Variants in AK4 observed in about 807,000 individuals in gnomAD.
The protein encoded by AK4 is adenylate kinase 4, also known as adenylate kinase 4, mitochondrial.
AK4 carries 13 observed loss-of-function variants against 24.6 expected under a neutral mutation model. That is an observed-to-expected ratio of 0.53 (90% CI 0.34 to 0.84). The LOEUF (loss-of-function observed/expected upper bound fraction) is 0.84. Among genes scored for constraint, AK4 ranks in the 40% least tolerant of loss-of-function variants. The pLI is 0.01. For missense variants in AK4, 192 were observed against 288.2 expected (o/e 0.67, Z 2.42); for synonymous variants, 88 against 107.0 (o/e 0.82, Z 1.10).
intron 1 of AK4, among the ~76,000 whole-genome samples, chr1:65,185,345 G>C (rs1359154494): frequency 1.3e-5 from 2 of 152,094 alleles, no homozygotes; most frequent in Non-Finnish European, 2.9e-5. Flanking sequence ...AGCTGGTCTT[G>C]GCTCTAGGAA....
intron 1 of AK4, among the ~76,000 whole-genome samples, chr1:65,150,649 C>T (rs1274864404): frequency 6.6e-6 from 1 of 152,124 alleles, no homozygotes; most frequent in Non-Finnish European, 1.5e-5. Context: ...CTGCTGTTTG[C>T]TTTTAGCTGA....
At chr1:65,204,200 T>C (rs1651746889) in intron 2 of AK4, among the ~76,000 whole-genome samples, 1 of 150,064 alleles carries the variant, frequency 6.7e-6, no homozygotes, top group Non-Finnish European at 1.5e-5. Context: ...TTAATCTTAC[T>C]GAATTTTTTT....
chr1:65,215,153 T>C lies in AK4; in HGVS notation c.266-3601T>C, dbSNP rs968453718. On this transcript the variant is annotated intron_variant, in intron 2 of 4. Transcript: ENST00000327299. Reference sequence around the variant, plus strand: ...CCATCATCATTGATTTTTTTTCTTTTCTTTTCTTTTCTTTCTTTCTTTCTT... The same window carrying C: ...CCATCATCATTGATTTTTTTTCTTTCCTTTTCTTTTCTTTCTTTCTTTCTT... Among the ~76,000 whole-genome samples, 4 of 149,482 alleles carry C rather than the reference T, an allele frequency of 2.7e-5. No homozygotes were observed. The East Asian group carries it at 6.1e-4, about 23-fold the overall frequency.
intron 2 of AK4, among the ~76,000 whole-genome samples, chr1:65,196,263 C>CAGG (rs1388410251): frequency 6.6e-6 from 1 of 152,034 alleles, no homozygotes; most frequent in Non-Finnish European, 1.5e-5. Flanking sequence ...CATCTTGGTC[C>CAGG]ATATGGCTGT....
intron 2 of AK4, among the ~76,000 whole-genome samples, chr1:65,200,616 G>C (rs894356509): frequency 2.0e-5 from 3 of 152,130 alleles, no homozygotes; most frequent in Non-Finnish European, 4.4e-5. Flanking sequence ...TGAAGCTATT[G>C]CAACTCCTTT....
At chr1:65,174,952 A>G (rs1650662464) in intron 1 of AK4, among the ~76,000 whole-genome samples, 1 of 152,112 alleles carries the variant, frequency 6.6e-6, no homozygotes, top group Non-Finnish European at 1.5e-5. Context: ...ATTTTTATGG[A>G]TATCTATTTT....
chr1:65,217,985 T>C (rs1652182209), intron 2 of AK4, among the ~76,000 whole-genome samples: 3 of 152,192 alleles, frequency 2.0e-5, no homozygotes, highest in Admixed American at 2.0e-4. Flanking sequence ...GTTTAATAAT[T>C]AACATATCCA....
chr1:65,206,600 CACAA>C (rs1354576353), intron 2 of AK4, among the ~76,000 whole-genome samples: 9 of 152,212 alleles, frequency 5.9e-5, no homozygotes, highest in African/African-American at 2.4e-5. Flanking sequence ...TGCGCACACA[CACAA>C]ACACACACAC....
intron 1 of AK4, among the ~76,000 whole-genome samples, chr1:65,184,100 A>C (rs558621516): frequency 6.6e-6 from 1 of 152,320 alleles, no homozygotes; most frequent in South Asian, 2.1e-4. Context: ...CTAGTTAGAA[A>C]TTGAAAATAT....
intron 2 of AK4, among the ~76,000 whole-genome samples, chr1:65,197,675 C>G (rs1326178267): frequency 6.6e-6 from 1 of 152,092 alleles, no homozygotes; most frequent in Non-Finnish European, 1.5e-5. Context: ...TACGCACTCA[C>G]TTAGAGCCCT....
At chr1:65,149,071 C>G (rs572622778) in intron 1 of AK4, 2 of 152,480 alleles carry the variant, frequency 1.3e-5, no homozygotes, top group East Asian at 3.9e-4. Context: ...CCCCTCCACG[C>G]AGCCTCGGGC....
intron 1 of AK4, among the ~76,000 whole-genome samples, chr1:65,150,189 AGT>A (rs1176125653): frequency 6.6e-6 from 1 of 151,898 alleles, no homozygotes; most frequent in Non-Finnish European, 1.5e-5. Context: ...GTTTAAAGAG[AGT>A]GTGATGGGAA....
chr1:65,189,249 A>G (rs1330474803), intron 1 of AK4, among the ~76,000 whole-genome samples: 2 of 149,968 alleles, frequency 1.3e-5, no homozygotes, highest in Admixed American at 1.3e-4. Flanking sequence ...GTGTTTTTTA[A>G]AAAACTGAAT....
chr1:65,166,750 G>A (rs1364923896), intron 1 of AK4, among the ~76,000 whole-genome samples: 1 of 152,154 alleles, frequency 6.6e-6, no homozygotes, highest in Non-Finnish European at 1.5e-5. Context: ...TGAACTCCTG[G>A]ACTCAAGCAG....
At chr1:65,166,867 C>T (rs75153941) in intron 1 of AK4, among the ~76,000 whole-genome samples, 16,391 of 152,266 alleles carry the variant, frequency 0.11, 1,170 homozygotes, top group Admixed American at 0.23. Context: ...TGCAGTGGCT[C>T]ACTCCTGTAA....
intron 2 of AK4, among the ~76,000 whole-genome samples, chr1:65,217,278 T>C (rs547101918): frequency 6.6e-6 from 1 of 152,184 alleles, no homozygotes; most frequent in Non-Finnish European, 1.5e-5. Flanking sequence ...TGCATATTCA[T>C]GTTTGAGCCA....
chr1:65,148,892 C>A (rs1324165967), intron 1 of AK4: 1 of 187,320 alleles, frequency 5.3e-6, no homozygotes, highest in South Asian at 1.7e-4. Context: ...AAGGCAGAGC[C>A]GTCCCCGTAC....
At chr1:65,202,083 C>T (rs1241766086) in intron 2 of AK4, among the ~76,000 whole-genome samples, 1 of 152,098 alleles carries the variant, frequency 6.6e-6, no homozygotes, top group Admixed American at 6.6e-5. Context: ...TATTTTTAAA[C>T]TCTACTTCCA....
chr1:65,163,779 A>G (rs1650246133), intron 1 of AK4, among the ~76,000 whole-genome samples: 1 of 152,170 alleles, frequency 6.6e-6, no homozygotes, highest in Non-Finnish European at 1.5e-5. Flanking sequence ...TGAGCATTCA[A>G]GGATCAGAGT....
Sources: gnomAD v4.1 joint callset for allele counts (sites outside exome capture counted in the v4.1 genomes callset) on GRCh38, gnomAD v4.1.1 for gene constraint, MANE v1.5 for transcripts, NCBI Gene and HGNC (gene_info 2026-07-23, HGNC 2026-07-21) for gene names.